NELL1: variants seen among roughly 807,000 people sequenced by gnomAD.
NELL1 encodes protein kinase C-binding protein NELL1.
In NELL1, 76 loss-of-function variants were observed where a neutral mutation model predicts 107.4. That is an observed-to-expected ratio of 0.71 (90% confidence interval 0.59 to 0.86). The LOEUF (loss-of-function observed/expected upper bound fraction) is 0.86. Among genes scored for constraint, NELL1 ranks in the 40% least tolerant of loss-of-function variants. The pLI is 0.00. For synonymous variants in NELL1, 353 were observed against 341.2 expected, an observed-to-expected ratio of 1.03 and a Z score of -0.38; for missense variants, 1,024 against 1,005.5, an observed-to-expected ratio of 1.02 and a Z score of -0.25.
chr11:20,739,398 G>A (rs1022904896), intron 2 of NELL1, among the ~76,000 whole-genome samples: 3 of 69,804 alleles, frequency 4.3e-5, no homozygotes, highest in Middle Eastern at 8.9e-3. Context: ...CATCTTGGGA[G>A]CCAAATGCTC....
At chr11:21,456,012 C>A (rs772789004) in intron 15 of NELL1, among the ~76,000 whole-genome samples, 1 of 151,822 alleles carries the variant, frequency 6.6e-6, no homozygotes, top group African/African-American at 2.4e-5. Context: ...CTCAGCCTCC[C>A]GAGTGAGTAG....
At chr11:21,337,837 T>TTTTCTTTCTTTCTTTCTTTCTTTCTTTC in intron 14 of NELL1, among the ~76,000 whole-genome samples, 2 of 86,654 alleles carry the variant, frequency 2.3e-5, no homozygotes, top group South Asian at 4.3e-4. Context: ...TCTTTCTTTC[T>TTTTCTTTCTTTCTTTCTTTCTTTCTTTC]TTTCTTTCTT....
chr11:21,099,234 A>AC (rs1854741265), intron 12 of NELL1, among the ~76,000 whole-genome samples: 7 of 63,996 alleles, frequency 1.1e-4, no homozygotes, highest in African/African-American at 1.6e-4. Context: ...CACACACACA[A>AC]ACACACACAC....
At chr11:21,095,684 C>T (rs1271878117) in intron 12 of NELL1, among the ~76,000 whole-genome samples, 1 of 152,026 alleles carries the variant, frequency 6.6e-6, no homozygotes, top group Non-Finnish European at 1.5e-5. Flanking sequence ...AGTCTCAGCT[C>T]ACTACAGCCT....
chr11:21,563,774 C>G (rs12289920), intron 17 of NELL1, among the ~76,000 whole-genome samples: 2 of 151,918 alleles, frequency 1.3e-5, no homozygotes, highest in African/African-American at 2.4e-5. Flanking sequence ...ACTGAATGCT[C>G]TACTCTGGGA....
chr11:20,852,162 T>C (rs1253984295), intron 4 of NELL1, among the ~76,000 whole-genome samples: 2 of 152,196 alleles, frequency 1.3e-5, no homozygotes, highest in Admixed American at 6.5e-5. Context: ...TTAGCTCTTA[T>C]TTTTTCAGAC....
intron 14 of NELL1, among the ~76,000 whole-genome samples, chr11:21,345,343 A>G (rs1850661134): frequency 1.3e-5 from 2 of 152,232 alleles, no homozygotes; most frequent in Non-Finnish European, 2.9e-5. Flanking sequence ...ATGAGTGTTT[A>G]AGTGTACCCT....
At chr11:20,745,701 C>T (rs959701421) in intron 2 of NELL1, among the ~76,000 whole-genome samples, 3 of 152,134 alleles carry the variant, frequency 2.0e-5, no homozygotes, top group Non-Finnish European at 4.4e-5. Context: ...GTTTTTCCAT[C>T]CAGTTTAGAC....
intron 15 of NELL1, among the ~76,000 whole-genome samples, chr11:21,427,209 G>T (rs1043005011): frequency 7.2e-5 from 11 of 152,150 alleles, no homozygotes; most frequent in African/African-American, 2.7e-4. Context: ...TAAGGGTTCT[G>T]CATTTCTCCA....
At chr11:20,755,549 T>A (rs1482216567) in intron 2 of NELL1, among the ~76,000 whole-genome samples, 9 of 39,624 alleles carry the variant, frequency 2.3e-4, no homozygotes, top group East Asian at 1.3e-3. Flanking sequence ...TGTTTTTTTT[T>A]GTTTTTGTTT....
chr11:20,786,447 C>T (rs549243491), intron 3 of NELL1, among the ~76,000 whole-genome samples: 2 of 151,934 alleles, frequency 1.3e-5, no homozygotes, highest in Admixed American at 6.6e-5. Flanking sequence ...AGGTCTCTTA[C>T]CACTAGGGAA....
intron 16 of NELL1, among the ~76,000 whole-genome samples, chr11:21,553,864 T>G (rs1185693124): frequency 1.3e-5 from 2 of 151,838 alleles, no homozygotes; most frequent in Admixed American, 1.3e-4. Flanking sequence ...ACAGGGAAAG[T>G]AATTCTTTTC....
At chr11:21,137,580 T>C (rs1218736499) in intron 13 of NELL1, among the ~76,000 whole-genome samples, 1 of 152,138 alleles carries the variant, frequency 6.6e-6, no homozygotes, top group Admixed American at 6.5e-5. Flanking sequence ...TTAGAAAGAA[T>C]TGGAGAAAAA....
intron 16 of NELL1, among the ~76,000 whole-genome samples, chr11:21,558,405 T>C (rs1293595308): frequency 6.6e-6 from 1 of 151,790 alleles, no homozygotes; most frequent in Non-Finnish European, 1.5e-5. Context: ...ACATAATATA[T>C]ATATATATAT....
At chr11:21,444,583 T>TA (rs963205203) in intron 15 of NELL1, among the ~76,000 whole-genome samples, 4 of 152,144 alleles carry the variant, frequency 2.6e-5, no homozygotes, top group African/African-American at 7.2e-5. Context: ...TTGATTTTTT[T>TA]AAAACATTTA....
In NELL1 at chr11:20,821,230, G is replaced by A. The variant is rs149681774; in HGVS notation, c.336-26353G>A. ...TATGGTCATGATATCAAAGACAAAGGCACGATGCATTACTCCTTTCCCTCC... is the reference window on the plus strand; with the variant it reads ...TATGGTCATGATATCAAAGACAAAGACACGATGCATTACTCCTTTCCCTCC... On this transcript the variant is annotated intron_variant, in intron 3 of 19. Transcript: ENST00000357134. Among the ~76,000 whole-genome samples, 433 of 152,214 alleles carry A rather than the reference G, an allele frequency of 2.8e-3. 1 individual carries two copies. The highest frequency in any genetic ancestry group is 9.8e-3 in the African/African-American group (406 of 41,534).
chr11:21,262,553 G>A (rs1848555295), intron 14 of NELL1: 1 of 151,760 alleles, frequency 6.6e-6, no homozygotes, highest in Non-Finnish European at 1.5e-5. Context: ...CTCTTGACTG[G>A]CAATTTGAAA....
intron 2 of NELL1, among the ~76,000 whole-genome samples, chr11:20,752,158 A>G (rs954326312): frequency 5.4e-5 from 3 of 55,862 alleles, no homozygotes; most frequent in Non-Finnish European, 1.3e-4. Flanking sequence ...AAAGCATTCA[A>G]TATTTCATCA....
chr11:20,994,649 C>T (rs939728942), intron 12 of NELL1, among the ~76,000 whole-genome samples: 3 of 152,146 alleles, frequency 2.0e-5, no homozygotes, highest in Admixed American at 2.0e-4. Flanking sequence ...TATTTATCCT[C>T]ATGCTTGCAG....
Sources: gnomAD v4.1 joint callset for allele counts (sites outside exome capture counted in the v4.1 genomes callset) on GRCh38, gnomAD v4.1.1 for gene constraint, MANE v1.5 for transcripts, NCBI Gene and HGNC (gene_info 2026-07-23, HGNC 2026-07-21) for gene names.